POU2F1: variants seen among roughly 807,000 people sequenced by gnomAD.
POU2F1 encodes the protein POU domain, class 2, transcription factor 1.
Under a neutral mutation model 84.9 loss-of-function variants are expected in POU2F1, and 16 were observed. That is an observed-to-expected ratio of 0.19 (90% confidence interval 0.13 to 0.29). The LOEUF (loss-of-function observed/expected upper bound fraction) is 0.29, where lower values mean the gene tolerates loss of function less well. Ranked by LOEUF, POU2F1 falls within the 10% of genes least tolerant of loss-of-function variation. POU2F1 has a pLI of 1.00. For missense variants in POU2F1, 738 were observed against 942.6 expected (o/e 0.78, Z 2.84); for synonymous variants, 368 against 368.3 (o/e 1.00, Z 0.01).
At chr1:167,234,846 T>A (rs1649335966) in intron 1 of POU2F1, among the ~76,000 whole-genome samples, 1 of 152,216 alleles carries the variant, frequency 6.6e-6, no homozygotes, top group Non-Finnish European at 1.5e-5. Flanking sequence ...AATAGAAAAT[T>A]AGGATTTACC....
intron 1 of POU2F1, among the ~76,000 whole-genome samples, chr1:167,294,529 G>A (rs181302056): frequency 2.6e-5 from 4 of 152,246 alleles, no homozygotes; most frequent in Non-Finnish European, 5.9e-5. Context: ...TCTGACAAAG[G>A]ACTAGTATCC....
intron 1 of POU2F1, among the ~76,000 whole-genome samples, chr1:167,263,786 C>T (rs951063224): frequency 6.6e-6 from 1 of 152,180 alleles, no homozygotes; most frequent in African/African-American, 2.4e-5. Context: ...TCTTAAGACT[C>T]CTTGTGATTT....
chr1:167,333,582 C>T (rs1657222601), intron 2 of POU2F1, among the ~76,000 whole-genome samples: 1 of 152,146 alleles, frequency 6.6e-6, no homozygotes, highest in African/African-American at 2.4e-5. Flanking sequence ...TGTAAACTCT[C>T]CTATACCTGG....
intron 1 of POU2F1, among the ~76,000 whole-genome samples, chr1:167,248,387 AT>A (rs1650492491): frequency 6.6e-6 from 1 of 152,202 alleles, no homozygotes; most frequent in Non-Finnish European, 1.5e-5. Context: ...TGCTGGACTT[AT>A]TTTTAACAGC....
At chr1:167,228,996 C>T (rs1342735067) in intron 1 of POU2F1, among the ~76,000 whole-genome samples, 1 of 152,008 alleles carries the variant, frequency 6.6e-6, no homozygotes, top group African/African-American at 2.4e-5. Flanking sequence ...TCTCAAGGTC[C>T]TGTGTTTTTA....
rs1403327444 is a variant in POU2F1 at position 167,396,567 on chromosome 1, A to G, written c.1129+140A>G. The G allele has an allele frequency of 7.6e-6, 6 of 794,238 alleles. No homozygotes were observed. The African/African-American group carries it at 8.7e-5, about 12-fold the overall frequency. 49.2% of individuals were successfully genotyped at this position (794,238 alleles called of 1,614,324 possible). Reference sequence around the variant, plus strand: ...GCTTACTAATCCTGGGAGGATCATTATAAATTATGGTGATATAAATCAGAA... The same window carrying G: ...GCTTACTAATCCTGGGAGGATCATTGTAAATTATGGTGATATAAATCAGAA... On this transcript the variant is annotated intron_variant, in intron 10 of 15. Transcript: ENST00000367866.
chr1:167,339,776 C>T (rs1188670193), intron 2 of POU2F1, among the ~76,000 whole-genome samples: 2 of 152,176 alleles, frequency 1.3e-5, no homozygotes, highest in Non-Finnish European at 2.9e-5. Context: ...CACATTTTAA[C>T]TCTTTTCCAT....
rs1339808671 is a variant in POU2F1 at position 167,389,688 on chromosome 1, C to G, written c.914C>G (p.Pro305Arg). 6.2e-7 allele frequency: 1 copy of G among 1,614,016 alleles called. No individual in the cohort carries two copies. The highest frequency in any genetic ancestry group is 8.5e-7 in the Non-Finnish European group (1 of 1,180,038). Residue 305 changes from proline to arginine, a missense_variant, in exon 9 of 16, where the codon CCC (proline) becomes CGC (arginine). Transcript: ENST00000367866. ...ATTGATACTCCCAGCTTGGAGGAGC[C>G]CAGTGACCTTGAGGAGCTTGAGCAG... is the stretch of plus-strand genomic sequence containing the variant. Reference protein sequence around the residue: ...KRIDTPSLEEPSDLEELEQFA... With the variant: ...KRIDTPSLEERSDLEELEQFA...
At chr1:167,323,172 A>T (rs1026179105) in intron 1 of POU2F1, among the ~76,000 whole-genome samples, 2 of 152,208 alleles carry the variant, frequency 1.3e-5, no homozygotes, top group Non-Finnish European at 2.9e-5. Context: ...GACTTGGCAA[A>T]ACACTTTAAA....
At chr1:167,355,275 T>C (rs1313927532) in intron 2 of POU2F1, among the ~76,000 whole-genome samples, 2 of 152,076 alleles carry the variant, frequency 1.3e-5, no homozygotes. Flanking sequence ...CCTTTCCTCA[T>C]TGATCTGTCA....
At chr1:167,323,688 CTATT>C (rs201333646) in intron 1 of POU2F1, among the ~76,000 whole-genome samples, 61 of 152,022 alleles carry the variant, frequency 4.0e-4, no homozygotes, top group Non-Finnish European at 5.0e-4. Flanking sequence ...TTTAATCACA[CTATT>C]TATTTATTTA....
At chr1:167,329,371 TA>T in intron 1 of POU2F1, 1 of 1,510,362 alleles carries the variant, frequency 6.6e-7, no homozygotes, top group Non-Finnish European at 9.0e-7. Context: ...TCGGGTTGAC[TA>T]TGCATAAATG....
At chr1:167,239,505 A>G (rs1205654202) in intron 1 of POU2F1, among the ~76,000 whole-genome samples, 2 of 152,240 alleles carry the variant, frequency 1.3e-5, no homozygotes, top group African/African-American at 4.8e-5. Flanking sequence ...TACACATTGT[A>G]AACTGCTTTA....
chr1:167,378,926 CT>C (rs749278885), intron 7 of POU2F1, among the ~76,000 whole-genome samples: 257 of 138,320 alleles, frequency 1.9e-3, no homozygotes, highest in Non-Finnish European at 2.0e-3. Context: ...CTAATTTTGA[CT>C]TTTTTTTTTT....
At chr1:167,312,327 C>T (rs781493331) in intron 1 of POU2F1, among the ~76,000 whole-genome samples, 5 of 151,522 alleles carry the variant, frequency 3.3e-5, no homozygotes, top group South Asian at 2.1e-4. Context: ...CTCCACCTCC[C>T]GGTCTCCTGC....
intron 13 of POU2F1, among the ~76,000 whole-genome samples, chr1:167,411,405 G>GTTT (rs535290005): frequency 8.3e-5 from 12 of 144,680 alleles, no homozygotes; most frequent in African/African-American, 2.0e-4. Flanking sequence ...ATTGTATGTT[G>GTTT]TTTTTTTTTT....
At chr1:167,374,613 C>G (rs772263968) in intron 6 of POU2F1, among the ~76,000 whole-genome samples, 1 of 152,144 alleles carries the variant, frequency 6.6e-6, no homozygotes, top group Non-Finnish European at 1.5e-5. Context: ...CTAATTACAG[C>G]AGACATGGAT....
intron 1 of POU2F1, among the ~76,000 whole-genome samples, chr1:167,256,167 G>A (rs552724939): frequency 6.6e-6 from 1 of 152,120 alleles, no homozygotes; most frequent in Non-Finnish European, 1.5e-5. Flanking sequence ...AAGGATGAGA[G>A]TGGTTCTACA....
At chr1:167,358,695 T>TA (rs1453038157) in intron 2 of POU2F1, among the ~76,000 whole-genome samples, 2 of 150,594 alleles carry the variant, frequency 1.3e-5, no homozygotes, top group Non-Finnish European at 3.0e-5. Flanking sequence ...AATATATTCT[T>TA]AATCTTTTTA....
Sources: gnomAD v4.1 joint callset for allele counts (sites outside exome capture counted in the v4.1 genomes callset) on GRCh38, gnomAD v4.1.1 for gene constraint, MANE v1.5 for transcripts, NCBI Gene and HGNC (gene_info 2026-07-23, HGNC 2026-07-21) for gene names.